The following NAV2 variants were observed in gnomAD, a reference collection of about 807,000 sequenced individuals.
NAV2 encodes the protein helicase, APC down-regulated 1.
NAV2 carries 54 observed loss-of-function variants against 223.2 expected under a neutral mutation model. The observed-to-expected ratio is 0.24, with a 90% CI of 0.19 to 0.30. NAV2 has a LOEUF of 0.30. Among genes scored for constraint, NAV2 ranks in the 10% least tolerant of loss-of-function variants. NAV2 has a pLI of 1.00. For missense variants in NAV2, 2,806 were observed against 3,147.5 expected (o/e 0.89, Z 2.60); for synonymous variants, 1,279 against 1,239.3 (o/e 1.03, Z -0.67).
intron 3 of NAV2, among the ~76,000 whole-genome samples, chr11:19,850,375 C>T (rs143204691): frequency 1.3e-5 from 2 of 152,248 alleles, no homozygotes; most frequent in African/African-American, 2.4e-5. Flanking sequence ...GTATCCTAAG[C>T]GTCTGTCATT....
At chr11:19,551,579 T>C (rs974460723) in intron 1 of NAV2, among the ~76,000 whole-genome samples, 7 of 152,180 alleles carry the variant, frequency 4.6e-5, no homozygotes, top group African/African-American at 7.2e-5. Flanking sequence ...TTGCAGAACA[T>C]TGGAACTGGC....
intron 1 of NAV2, among the ~76,000 whole-genome samples, chr11:19,398,918 G>A (rs1477251195): frequency 1.3e-5 from 2 of 152,216 alleles, no homozygotes; most frequent in Non-Finnish European, 2.9e-5. Context: ...TGTTGCTTAA[G>A]TCGCAGCTGG....
rs1241492780 is a variant in NAV2 at position 19,435,421 on chromosome 11, G to A, written c.75+84394G>A. On this transcript the variant is annotated intron_variant, in intron 1 of 37. Coordinates refer to the NAV2 transcript ENST00000360655. ...TGGCAGATGTTTCTGTTTTTTTAATGGATGAGTAATATTCCATTGTGTATA... is the reference window on the plus strand; with the variant it reads ...TGGCAGATGTTTCTGTTTTTTTAATAGATGAGTAATATTCCATTGTGTATA... Among the ~76,000 whole-genome samples the A allele has an allele frequency of 2.0e-5, 3 of 151,986 alleles. No homozygotes were observed. The East Asian group carries it at 5.8e-4, about 29-fold the overall frequency.
At chr11:19,827,340 C>T (rs1478794696) in intron 1 of NAV2, among the ~76,000 whole-genome samples, 1 of 152,096 alleles carries the variant, frequency 6.6e-6, no homozygotes, top group African/African-American at 2.4e-5. Flanking sequence ...CTTTGTAGCA[C>T]GAAAGCAACC....
At chr11:19,595,722 T>TA (rs67079641) in intron 1 of NAV2, among the ~76,000 whole-genome samples, 8 of 147,994 alleles carry the variant, frequency 5.4e-5, no homozygotes, top group African/African-American at 1.3e-4. Flanking sequence ...GAAGGCTAAT[T>TA]AAAAAAAAAA....
At chr11:19,579,744 C>T (rs557383821) in intron 1 of NAV2, among the ~76,000 whole-genome samples, 16 of 152,140 alleles carry the variant, frequency 1.1e-4, no homozygotes, top group Admixed American at 2.0e-4. Context: ...TTGTTATTCC[C>T]CTCCTACATG....
chr11:19,735,030 G>A (rs1192243554), intron 1 of NAV2, among the ~76,000 whole-genome samples: 5 of 152,280 alleles, frequency 3.3e-5, no homozygotes, highest in East Asian at 1.9e-4. Context: ...TTCATTTCTC[G>A]ACTCTTAGTT....
chr11:19,802,155 CA>C (rs2058306113), intron 1 of NAV2, among the ~76,000 whole-genome samples: 1 of 152,088 alleles, frequency 6.6e-6, no homozygotes, highest in Non-Finnish European at 1.5e-5. Flanking sequence ...AAACTGGGAC[CA>C]AAATTCAATT....
chr11:19,920,920 A>C (rs181477792), intron 6 of NAV2, among the ~76,000 whole-genome samples: 1 of 152,186 alleles, frequency 6.6e-6, no homozygotes, highest in Non-Finnish European at 1.5e-5. Context: ...GCAAAACCTC[A>C]ATCTACCACC....
chr11:19,594,615 T>A (rs2046155905), intron 1 of NAV2, among the ~76,000 whole-genome samples: 2 of 152,044 alleles, frequency 1.3e-5, no homozygotes, highest in South Asian at 4.2e-4. Flanking sequence ...GGGCTTTCCA[T>A]CTCCATATCT....
rs72902173 is a variant in NAV2 at position 19,367,515 on chromosome 11, A to G, written c.75+16488A>G. Among the ~76,000 whole-genome samples the G allele has an allele frequency of 4.4e-3, 674 of 152,338 alleles. 3 individuals are homozygous for G. Among genetic ancestry groups the G allele is most frequent in the Non-Finnish European group, 6.4e-3 (434 of 68,028 alleles). ...TATTCATCCAAACAATGAATAAGTG[A>G]ATAAGCAAATACCAAGAGTATAAAG... On this transcript the variant is annotated intron_variant, in intron 1 of 37. Transcript: ENST00000360655.
intron 10 of NAV2, among the ~76,000 whole-genome samples, chr11:19,981,681 G>A (rs7931593): frequency 0.21 from 31,829 of 152,028 alleles, 3,451 homozygotes; most frequent in African/African-American, 0.27. Flanking sequence ...TTGAAAGGAC[G>A]TGGGGTCTAG....
intron 3 of NAV2, among the ~76,000 whole-genome samples, chr11:19,850,327 C>T (rs1565425521): frequency 6.6e-6 from 1 of 152,148 alleles, no homozygotes; most frequent in East Asian, 1.9e-4. Flanking sequence ...TGTCTGTTTA[C>T]TCATCTTCTT....
At chr11:19,495,764 T>C (rs1292978501) in intron 1 of NAV2, among the ~76,000 whole-genome samples, 1 of 152,124 alleles carries the variant, frequency 6.6e-6, no homozygotes. Flanking sequence ...TGTAATTTTA[T>C]ATATTATATA....
At chr11:20,005,254 T>TATATA (rs1491300791) in intron 11 of NAV2, among the ~76,000 whole-genome samples, 143 of 22,760 alleles carry the variant, frequency 6.3e-3, no homozygotes, top group South Asian at 0.013. Flanking sequence ...TATATATATA[T>TATATA]TTTTTTTTTT....
rs114570401 is a variant in NAV2 at position 19,648,106 on chromosome 11, G to T, written c.76-184378G>T. 6.8e-3 allele frequency among the ~76,000 whole-genome samples: 1,036 copies of T among 152,218 alleles called. 13 individuals carry two copies. Among genetic ancestry groups the T allele is most frequent in the African/African-American group, 0.023 (975 of 41,528 alleles). ...CAGCTGTTAATTTTTCAGGAATTTT[G>T]TGAGCTACTTGTGAAAAGCAGTTAT... is the stretch of plus-strand genomic sequence containing the variant. On this transcript the variant is annotated intron_variant, in intron 1 of 37. Coordinates refer to the NAV2 transcript ENST00000360655.
chr11:19,837,437 G>C (rs989487107), intron 2 of NAV2, among the ~76,000 whole-genome samples: 2 of 152,128 alleles, frequency 1.3e-5, no homozygotes, highest in Non-Finnish European at 2.9e-5. Context: ...TCTCTCTATT[G>C]ATTGCTTATT....
intron 6 of NAV2, among the ~76,000 whole-genome samples, chr11:19,920,133 C>A (rs751074827): frequency 3.0e-4 from 46 of 152,096 alleles, no homozygotes; most frequent in Non-Finnish European, 5.1e-4. Flanking sequence ...GACCCTGTCT[C>A]AAAAAATAAG....
intron 1 of NAV2, among the ~76,000 whole-genome samples, chr11:19,573,134 C>T (rs557102114): frequency 1.3e-4 from 20 of 152,306 alleles, no homozygotes; most frequent in African/African-American, 4.6e-4. Flanking sequence ...TTGCCTAGAA[C>T]ATTCTTACCT....
Sources: gnomAD v4.1 joint callset for allele counts (sites outside exome capture counted in the v4.1 genomes callset) on GRCh38, gnomAD v4.1.1 for gene constraint, MANE v1.5 for transcripts, NCBI Gene and HGNC (gene_info 2026-07-23, HGNC 2026-07-21) for gene names.